CDK13: variants seen among roughly 807,000 people sequenced by gnomAD.
CDK13 encodes the protein cyclin-dependent kinase 13.
CDK13 carries 40 observed loss-of-function variants against 137.6 expected under a neutral mutation model. That is an observed-to-expected ratio of 0.29 (90% CI 0.23 to 0.38). CDK13 has a LOEUF of 0.38. Among genes scored for constraint, CDK13 ranks in the 10% least tolerant of loss-of-function variants. The pLI is 1.00. For missense variants in CDK13, 1,704 were observed against 1,951.8 expected (o/e 0.87, Z 2.39); for synonymous variants, 869 against 760.1 (o/e 1.14, Z -2.36).
intron 5 of CDK13, among the ~76,000 whole-genome samples, chr7:40,002,717 A>G (rs533261978): frequency 9.2e-5 from 14 of 152,224 alleles, no homozygotes; most frequent in African/African-American, 3.4e-4. Context: ...TTTAGAACCA[A>G]AGTTTACTGA....
chr7:39,974,010 G>A (rs1024274752), intron 1 of CDK13, among the ~76,000 whole-genome samples: 2 of 152,106 alleles, frequency 1.3e-5, no homozygotes, highest in Admixed American at 6.5e-5. Context: ...TTTGAAATCA[G>A]GAAGTGTGAA....
chr7:40,073,298 C>T (rs1187993487), intron 9 of CDK13, among the ~76,000 whole-genome samples: 1 of 152,100 alleles, frequency 6.6e-6, no homozygotes, highest in Non-Finnish European at 1.5e-5. Flanking sequence ...GAAACAACTG[C>T]TAAAACTGGT....
rs1193505564 is a variant in CDK13 at position 40,089,280 on chromosome 7, C to CA, written c.3235+959dup. 5.9e-3 allele frequency among the ~76,000 whole-genome samples: 823 copies of CA among 138,990 alleles called. 4 individuals carry two copies. Among genetic ancestry groups the CA allele is most frequent in the Middle Eastern group, 0.017 (4 of 234 alleles). The allele number at this position is 138,990 out of a possible 152,430, so 91.2% of individuals were successfully genotyped here. A position where few individuals can be genotyped will look rare whatever the true frequency, so the allele number is the denominator to read the frequency against. ...TGAAACTCTGTCTCTACTAAAAATA[C>CA]AAAAAAAAAATTAGCTGGGCATGGT... On this transcript the variant is annotated intron_variant, in intron 12 of 13. Coordinates refer to ENST00000181839, the MANE Select transcript of CDK13 (RefSeq NM_003718.5).
chr7:40,065,451 A>G (rs1412868859), intron 9 of CDK13, among the ~76,000 whole-genome samples: 1 of 152,110 alleles, frequency 6.6e-6, no homozygotes, highest in Non-Finnish European at 1.5e-5. Flanking sequence ...AACACTAATG[A>G]TAGCTGATTG....
chr7:40,003,225 CTT>C (rs1401249264), intron 5 of CDK13, among the ~76,000 whole-genome samples: 14 of 147,544 alleles, frequency 9.5e-5, no homozygotes, highest in African/African-American at 1.5e-4. Flanking sequence ...CTCTCTCTCT[CTT>C]ACTCTGTTGA....
At chr7:40,003,194 ACACACACACACACTCT>A (rs757346837) in intron 5 of CDK13, among the ~76,000 whole-genome samples, 1,629 of 101,122 alleles carry the variant, frequency 0.016, 13 homozygotes, top group Non-Finnish European at 0.023. Flanking sequence ...ACACACACAC[ACACACACACACACTCT>A]CTCTCTCTCT....
intron 5 of CDK13, among the ~76,000 whole-genome samples, chr7:40,041,474 G>A (rs1356043610): frequency 6.6e-6 from 1 of 152,032 alleles, no homozygotes; most frequent in Non-Finnish European, 1.5e-5. Flanking sequence ...TGCACTCATA[G>A]CATTTTTATT....
At chr7:40,048,254 A>G in intron 7 of CDK13, 1 of 170,346 alleles carries the variant, frequency 5.9e-6, no homozygotes, top group Non-Finnish European at 1.3e-5. Flanking sequence ...TTTTATTGTT[A>G]TATCTACAGT....
At chr7:40,092,468 C>T (rs1786945988) in intron 12 of CDK13, 1 of 283,654 alleles carries the variant, frequency 3.5e-6, no homozygotes, top group Admixed American at 4.8e-5. Context: ...TCATCATTAT[C>T]ATTATTCATT....
intron 2 of CDK13, among the ~76,000 whole-genome samples, chr7:39,994,033 G>C (rs898522195): frequency 1.2e-4 from 18 of 151,968 alleles, no homozygotes; most frequent in Admixed American, 3.3e-4. Flanking sequence ...TATTTTTCTG[G>C]TGAATTGCTT....
chr7:40,047,990 G>A (rs1225524038), intron 7 of CDK13, 113 bp downstream of exon 7: 3 of 672,314 alleles, frequency 4.5e-6, no homozygotes, highest in African/African-American at 1.8e-5. Context: ...ACTTTTCATG[G>A]TTAGTACATA....
At chr7:39,957,187 C>T (rs1250350970) in intron 1 of CDK13, among the ~76,000 whole-genome samples, 2 of 149,298 alleles carry the variant, frequency 1.3e-5, no homozygotes. Context: ...TGGGGTTGAA[C>T]AATCCTCCTG....
intron 1 of CDK13, among the ~76,000 whole-genome samples, chr7:39,980,487 A>G (rs1019933391): frequency 1.3e-5 from 2 of 152,206 alleles, no homozygotes; most frequent in East Asian, 1.9e-4. Flanking sequence ...ATCACTTTAT[A>G]TAGTGATTTT....
chr7:40,021,239 G>A (rs1236876261), intron 5 of CDK13, among the ~76,000 whole-genome samples: 1 of 151,542 alleles, frequency 6.6e-6, no homozygotes, highest in African/African-American at 2.4e-5. Context: ...GCTCACGCCT[G>A]TAATCCCAGC....
At chr7:39,955,357 C>T (rs1787375887) in intron 1 of CDK13, among the ~76,000 whole-genome samples, 1 of 152,042 alleles carries the variant, frequency 6.6e-6, no homozygotes, top group Admixed American at 6.6e-5. Context: ...AAACCCTAGG[C>T]TGATTTGAAA....
At chr7:39,955,305 T>C (rs2116096719) in intron 1 of CDK13, among the ~76,000 whole-genome samples, 1 of 152,320 alleles carries the variant, frequency 6.6e-6, no homozygotes, top group Non-Finnish European at 1.5e-5. Context: ...ACGGGAGCTC[T>C]AAAAGGTTTT....
At chr7:39,975,505 TG>T (rs1485415009) in intron 1 of CDK13, among the ~76,000 whole-genome samples, 8 of 152,200 alleles carry the variant, frequency 5.3e-5, no homozygotes, top group African/African-American at 1.9e-4. Flanking sequence ...CTAGGGGCCA[TG>T]AAAAAAGGAA....
At chr7:39,970,854 A>G (rs1468688533) in intron 1 of CDK13, among the ~76,000 whole-genome samples, 3 of 152,160 alleles carry the variant, frequency 2.0e-5, no homozygotes, top group East Asian at 1.9e-4. Context: ...TATTTACTCA[A>G]ATGTTTACCT....
At chr7:40,047,427 T>C (rs1022749720) in intron 6 of CDK13, among the ~76,000 whole-genome samples, 5 of 152,172 alleles carry the variant, frequency 3.3e-5, no homozygotes, top group African/African-American at 1.2e-4. Context: ...AAAAGTGATG[T>C]CACTTCGTTC....
Sources: gnomAD v4.1 joint callset for allele counts (sites outside exome capture counted in the v4.1 genomes callset) on GRCh38, gnomAD v4.1.1 for gene constraint, MANE v1.5 for transcripts, NCBI Gene and HGNC (gene_info 2026-07-23, HGNC 2026-07-21) for gene names.